Variants in ZNF609 observed in about 807,000 individuals in gnomAD.
The protein encoded by ZNF609 is zinc finger protein 609.
In ZNF609, 11 loss-of-function variants were observed where a neutral mutation model predicts 109.5. The ratio of observed to expected loss-of-function variants is 0.10; its 90% confidence interval spans 0.06 to 0.17. ZNF609 has a LOEUF of 0.17. Among genes scored for constraint, ZNF609 ranks in the 10% least tolerant of loss-of-function variants. The pLI, the probability that ZNF609 is intolerant of heterozygous loss-of-function variation, is 1.00. For synonymous variants in ZNF609, 646 were observed against 662.0 expected (o/e 0.98, Z 0.37); for missense variants, 1,559 against 1,772.4 (o/e 0.88, Z 2.16).
At position 64,685,170 on chromosome 15, in the gene ZNF609, T is replaced by G. The variant is rs1269846692; in HGVS notation, c.*3484T>G. The G allele has an allele frequency of 6.6e-6, 1 of 150,458 alleles. No homozygotes were observed. Among genetic ancestry groups the G allele is most frequent in the African/African-American group, 2.4e-5 (1 of 41,092 alleles). The allele number at this position is 150,458 out of a possible 1,614,324, so 9.3% of individuals were successfully genotyped here. A position where few individuals can be genotyped will look rare whatever the true frequency, so the allele number is the denominator to read the frequency against. On this transcript the variant is annotated 3_prime_UTR_variant, in exon 10 of 10. Transcript: ENST00000326648. ...TTACCAAGTTCCTTGTTTTTTTATA[T>G]ATATATATAAATATATATATATACA...
chr15:64,506,491 C>T lies in ZNF609; in HGVS notation c.747+6325C>T, dbSNP rs183134676. On this transcript the variant is annotated intron_variant, in intron 2 of 9. Coordinates refer to ENST00000326648, the MANE Select transcript of ZNF609 (RefSeq NM_015042.2). ...ATCCCAGCACTTTGGGAGGCCAAGGCGGGTGGATCACCTGAGGTCGGGAGT... is the reference window on the plus strand; with the variant it reads ...ATCCCAGCACTTTGGGAGGCCAAGGTGGGTGGATCACCTGAGGTCGGGAGT... Among the ~76,000 whole-genome samples, 815 of 149,964 alleles carry T rather than the reference C, an allele frequency of 5.4e-3. 4 individuals are homozygous for T. Among genetic ancestry groups the T allele is most frequent in the Non-Finnish European group, 7.1e-3 (476 of 67,116 alleles).
chr15:64,680,786 G>A lies in ZNF609; in HGVS notation c.4086G>A (p.Leu1362=). The A allele has an allele frequency of 1.2e-6, 2 of 1,613,602 alleles. No homozygotes were observed. The highest frequency in any genetic ancestry group is 1.1e-5 in the South Asian group (1 of 91,070). Residue 1362 remains leucine (L), a synonymous_variant, in exon 8 of 10, where the codon CTG becomes CTA. Coordinates refer to ENST00000326648, the MANE Select transcript of ZNF609 (RefSeq NM_015042.2). The part of the protein sequence containing the change: ...DRPRTSPSQR[L]MSTHHHHHHL... ...CCCGCACCTCTCCTTCCCAGCGCCT[G>A]ATGTCCACACACCACCACCACCACC...
At chr15:64,665,039 C>G (rs1896627327) in intron 3 of ZNF609, among the ~76,000 whole-genome samples, 1 of 152,222 alleles carries the variant, frequency 6.6e-6, no homozygotes. Flanking sequence ...GTAATCAGAG[C>G]AGGCCACCTT....
At chr15:64,543,086 C>T (rs1894295090) in intron 2 of ZNF609, among the ~76,000 whole-genome samples, 1 of 152,056 alleles carries the variant, frequency 6.6e-6, no homozygotes, top group Admixed American at 6.6e-5. Flanking sequence ...GTGCAGCAAA[C>T]CACCGTGGGA....
chr15:64,584,157 T>G (rs670434), intron 2 of ZNF609, among the ~76,000 whole-genome samples: 145,534 of 152,134 alleles, frequency 0.96, 69,854 homozygotes, highest in East Asian at 1. Flanking sequence ...GTTGTACAGG[T>G]TGTGCCTTTT....
intron 1 of ZNF609, among the ~76,000 whole-genome samples, chr15:64,478,617 A>AT (rs1258775467): frequency 6.6e-6 from 1 of 152,088 alleles, no homozygotes; most frequent in Admixed American, 6.6e-5. Flanking sequence ...ACCTCAAGTG[A>AT]TCCCCCACTT....
intron 2 of ZNF609, among the ~76,000 whole-genome samples, chr15:64,604,681 C>T (rs561101580): frequency 6.6e-6 from 1 of 152,070 alleles, no homozygotes; most frequent in Non-Finnish European, 1.5e-5. Flanking sequence ...TTTAAGCAAA[C>T]AAAGAATTTA....
chr15:64,645,012 C>CTTTCTTTCTTT (rs1567037985), intron 3 of ZNF609, among the ~76,000 whole-genome samples: 9 of 101,982 alleles, frequency 8.8e-5, no homozygotes, highest in African/African-American at 3.2e-4. Context: ...TTTCTTTCTT[C>CTTTCTTTCTTT]CTTCCTTCCT....
At chr15:64,571,442 T>C (rs912234428) in intron 2 of ZNF609, among the ~76,000 whole-genome samples, 2 of 152,130 alleles carry the variant, frequency 1.3e-5, no homozygotes, top group East Asian at 1.9e-4. Context: ...TAAAAAGTTA[T>C]ATAAACAGCT....
intron 2 of ZNF609, among the ~76,000 whole-genome samples, chr15:64,559,170 T>C (rs961746624): frequency 2.0e-5 from 3 of 152,252 alleles, no homozygotes; most frequent in Non-Finnish European, 2.9e-5. Context: ...GTAAATTTTT[T>C]AAATTTTAGA....
intron 2 of ZNF609, among the ~76,000 whole-genome samples, chr15:64,587,637 A>G (rs997017840): frequency 6.6e-6 from 1 of 152,204 alleles, no homozygotes; most frequent in Non-Finnish European, 1.5e-5. Context: ...GGTCAGGCAC[A>G]GCACTAACCC....
chr15:64,485,928 C>T (rs1311502146), intron 1 of ZNF609, among the ~76,000 whole-genome samples: 3 of 152,140 alleles, frequency 2.0e-5, no homozygotes, highest in Non-Finnish European at 4.4e-5. Flanking sequence ...TTCAGACCTC[C>T]CCATTTTACT....
chr15:64,637,784 G>A (rs1896196836), intron 3 of ZNF609, among the ~76,000 whole-genome samples: 1 of 151,726 alleles, frequency 6.6e-6, no homozygotes. Context: ...CTGGTTATTA[G>A]TCCTTTGTGA....
At chr15:64,559,891 A>G (rs1182702156) in intron 2 of ZNF609, among the ~76,000 whole-genome samples, 1 of 152,240 alleles carries the variant, frequency 6.6e-6, no homozygotes, top group East Asian at 1.9e-4. Context: ...CGTAGCAATA[A>G]TAGTATAAGA....
intron 3 of ZNF609, among the ~76,000 whole-genome samples, chr15:64,660,936 C>G (rs901466395): frequency 1.3e-5 from 2 of 151,972 alleles, no homozygotes; most frequent in Non-Finnish European, 2.9e-5. Flanking sequence ...TAGCTTATCA[C>G]TCTCTGGGTT....
At chr15:64,589,884 T>C (rs1016289776) in intron 2 of ZNF609, among the ~76,000 whole-genome samples, 4 of 152,208 alleles carry the variant, frequency 2.6e-5, no homozygotes, top group Non-Finnish European at 2.9e-5. Flanking sequence ...TCGATGCTTT[T>C]GGAAAGCTCT....
Position 64,627,667 on chromosome 15 carries a change from T to C in ZNF609, c.973+4615T>C, listed in dbSNP as rs368822338. On this transcript the variant is annotated intron_variant, in intron 3 of 9. Transcript: ENST00000326648. ...TTTTTAGTTCTTTTTTTCTTTCTTT[T>C]TTTTTTTTTTTTTTTTTTGAGACAG... Among the ~76,000 whole-genome samples the C allele has an allele frequency of 1.0e-3, 131 of 131,498 alleles. 1 individual carries two copies. Among genetic ancestry groups the C allele is most frequent in the African/African-American group, 3.3e-3 (112 of 34,188 alleles). The allele number at this position is 131,498 out of a possible 152,430, so 86.3% of individuals were successfully genotyped here.
intron 2 of ZNF609, among the ~76,000 whole-genome samples, chr15:64,545,308 C>T (rs1264164322): frequency 6.6e-6 from 1 of 151,970 alleles, no homozygotes; most frequent in Non-Finnish European, 1.5e-5. Flanking sequence ...AAGCCAATCT[C>T]CCACCTCACC....
At chr15:64,474,716 A>G (rs925331211) in intron 1 of ZNF609, among the ~76,000 whole-genome samples, 9 of 152,210 alleles carry the variant, frequency 5.9e-5, no homozygotes. Flanking sequence ...GGGAGAGACA[A>G]TTAATGAATT....
Sources: gnomAD v4.1 joint callset for allele counts (sites outside exome capture counted in the v4.1 genomes callset) on GRCh38, gnomAD v4.1.1 for gene constraint, MANE v1.5 for transcripts, NCBI Gene and HGNC (gene_info 2026-07-23, HGNC 2026-07-21) for gene names.